The following NVL variants were observed in gnomAD, a reference collection of about 807,000 sequenced individuals.
NVL encodes nuclear VCP like.
In NVL, 84 loss-of-function variants were observed where a neutral mutation model predicts 110.2. The observed-to-expected ratio is 0.76, with a 90% confidence interval of 0.64 to 0.91. The LOEUF (loss-of-function observed/expected upper bound fraction) is 0.91. NVL is among the 40% of genes least tolerant of loss of function. The pLI, the probability that NVL is intolerant of heterozygous loss-of-function variation, is 0.00. For synonymous variants in NVL, 354 were observed against 361.1 expected (o/e 0.98, Z 0.22); for missense variants, 882 against 1,035.9 (o/e 0.85, Z 2.04).
chr1:224,273,669 T>A (rs1316671381), intron 17 of NVL, among the ~76,000 whole-genome samples: 1 of 152,090 alleles, frequency 6.6e-6, no homozygotes, highest in East Asian at 1.9e-4. Flanking sequence ...GAAGGGTTTA[T>A]TCATGGCAAA....
chr1:224,303,631 C>A, intron 9 of NVL, 92 bp downstream of exon 9: 1 of 1,326,264 alleles, frequency 7.5e-7, no homozygotes, highest in Admixed American at 2.3e-5. Context: ...CTGAAGAATG[C>A]CATGTCTGGT....
intron 2 of NVL, among the ~76,000 whole-genome samples, chr1:224,318,140 G>C (rs1670276250): frequency 6.6e-6 from 1 of 151,274 alleles, no homozygotes; most frequent in South Asian, 2.1e-4. Flanking sequence ...AACCTTTTTT[G>C]CTTCAAATAT....
Position 224,250,334 on chromosome 1 carries a change from GAA to G in NVL, c.2183-18_2183-17del. 2 of 1,525,670 alleles carry G rather than the reference GAA, an allele frequency of 1.3e-6. No individual in the cohort carries two copies. The highest frequency in any genetic ancestry group is 1.3e-5 in the South Asian group (1 of 78,736). 94.5% of individuals were successfully genotyped at this position (1,525,670 alleles called of 1,614,324 possible). On this transcript the variant is annotated splice_polypyrimidine_tract_variant and intron_variant, in intron 18 of 22. Transcript: ENST00000281701. ...TCAATTATATCTAGAGAAGAAGGGAGAAAAAAAGTCTTAAATAAAACCTTTTA... is the reference window on the plus strand; with the variant it reads ...TCAATTATATCTAGAGAAGAAGGGAGAAAAAGTCTTAAATAAAACCTTTTA...
intron 5 of NVL, among the ~76,000 whole-genome samples, chr1:224,310,549 T>C (rs1276906290): frequency 6.6e-6 from 1 of 152,206 alleles, no homozygotes; most frequent in Non-Finnish European, 1.5e-5. Context: ...TTCTTTTTCC[T>C]TGTATAACTG....
At chr1:224,231,392 G>T (rs1277929930) in intron 21 of NVL, 96 bp from the exon 22 acceptor site, 3 of 881,642 alleles carry the variant, frequency 3.4e-6, no homozygotes, top group South Asian at 1.4e-5. Context: ...CTTTCAAGGG[G>T]TCCACTAAAG....
At chr1:224,290,684 C>T (rs1667284989) in intron 12 of NVL, among the ~76,000 whole-genome samples, 1 of 152,016 alleles carries the variant, frequency 6.6e-6, no homozygotes, top group South Asian at 2.1e-4. Flanking sequence ...CACCTGTAGT[C>T]CCAGCTACTC....
At chr1:224,254,694 C>T (rs543013251) in intron 18 of NVL, among the ~76,000 whole-genome samples, 18 of 151,298 alleles carry the variant, frequency 1.2e-4, no homozygotes, top group Admixed American at 6.6e-4. Context: ...GGATTACAGG[C>T]GTGAGCCACT....
At chr1:224,250,149 T>TA (rs1489721519) in intron 19 of NVL, 63 bp downstream of exon 19, 2 of 1,556,382 alleles carry the variant, frequency 1.3e-6, no homozygotes, top group African/African-American at 2.8e-5. Flanking sequence ...TACTACCTCT[T>TA]ATAACTGTCT....
At chr1:224,328,556 G>C (rs1007244300) in intron 1 of NVL, among the ~76,000 whole-genome samples, 4 of 152,086 alleles carry the variant, frequency 2.6e-5, no homozygotes, top group African/African-American at 9.7e-5. Flanking sequence ...CAGTTAGGAG[G>C]CTATTGTAAT....
chr1:224,320,422 G>A (rs1337224651), intron 2 of NVL, among the ~76,000 whole-genome samples: 1 of 152,216 alleles, frequency 6.6e-6, no homozygotes, highest in East Asian at 1.9e-4. Flanking sequence ...CAAGATGGGC[G>A]GATCATTTGC....
intron 17 of NVL, among the ~76,000 whole-genome samples, chr1:224,271,760 C>A (rs781312555): frequency 5.7e-4 from 87 of 152,262 alleles, no homozygotes; most frequent in South Asian, 8.3e-4. Flanking sequence ...CGCCTGTAAT[C>A]TCAACACTTT....
chr1:224,260,611 T>C (rs1174725296), intron 18 of NVL, among the ~76,000 whole-genome samples: 1 of 151,938 alleles, frequency 6.6e-6, no homozygotes, highest in Admixed American at 6.6e-5. Context: ...CTAGAACCTA[T>C]CTCTCAGATA....
chr1:224,236,532 A>T lies in NVL; in HGVS notation c.2340T>A (p.Ala780=). ...LDADVNLEAI[A]GDLRCDCYTG... ...TATAGCAATCACAGCGAAGGTCACC[A>T]GCAATTGCTTCCAAATTTACATCTG... The change falls in exon 20 of 23, where the codon GCT becomes GCA. Residue 780 remains alanine (A), a synonymous_variant. Coordinates refer to ENST00000281701, the MANE Select transcript of NVL (RefSeq NM_002533.4). 1 of 1,613,908 alleles carries T rather than the reference A, an allele frequency of 6.2e-7. No individual in the cohort carries two copies. Among genetic ancestry groups the T allele is most frequent in the South Asian group, 1.1e-5 (1 of 91,074 alleles).
chr1:224,261,391 AG>A (rs1228840854), intron 18 of NVL, among the ~76,000 whole-genome samples: 4 of 152,188 alleles, frequency 2.6e-5, no homozygotes, highest in Non-Finnish European at 5.9e-5. Flanking sequence ...GTAATTATTG[AG>A]TAGAAGAGAA....
chr1:224,275,781 T>C (rs925605247), intron 16 of NVL, among the ~76,000 whole-genome samples: 3 of 152,240 alleles, frequency 2.0e-5, no homozygotes, highest in African/African-American at 7.2e-5. Flanking sequence ...TTAGAACTAA[T>C]CTTGTAAGCC....
At chr1:224,236,631 C>T in intron 19 of NVL, 49 bp from the exon 20 acceptor site, 1 of 1,477,966 alleles carries the variant, frequency 6.8e-7, no homozygotes, top group Non-Finnish European at 9.5e-7. Flanking sequence ...AAAGACCATG[C>T]CGGGTGCGAT....
In NVL at chr1:224,275,741, C is replaced by CA. The variant is rs202132174; in HGVS notation, c.1963-284dup. On this transcript the variant is annotated intron_variant, in intron 16 of 22. Transcript: ENST00000281701. The stretch of plus-strand genomic sequence containing the variant: ...GTGAAACGTAAGTTCTTCTCTAGCT[C>CA]AAAAAAAATCACCAAAATTCAATTG... Among the ~76,000 whole-genome samples, 563 of 151,968 alleles carry CA rather than the reference C, an allele frequency of 3.7e-3. 5 individuals carry two copies. The highest frequency in any genetic ancestry group is 0.01 in the Middle Eastern group (3 of 294).
chr1:224,274,035 A>AACAC (rs1224878158), intron 17 of NVL, among the ~76,000 whole-genome samples: 86 of 145,642 alleles, frequency 5.9e-4, no homozygotes, highest in African/African-American at 1.4e-3. Flanking sequence ...ATGACCTAAC[A>AACAC]ACACACACAC....
At chr1:224,282,919 C>A (rs2102602609) in intron 15 of NVL, among the ~76,000 whole-genome samples, 1 of 152,276 alleles carries the variant, frequency 6.6e-6, no homozygotes, top group African/African-American at 2.4e-5. Context: ...TTATATGTAT[C>A]TCTAGGTTTC....
Sources: gnomAD v4.1 joint callset for allele counts (sites outside exome capture counted in the v4.1 genomes callset) on GRCh38, gnomAD v4.1.1 for gene constraint, MANE v1.5 for transcripts, NCBI Gene and HGNC (gene_info 2026-07-23, HGNC 2026-07-21) for gene names.